Variants in CYP2J2 observed in about 807,000 individuals in gnomAD.
CYP2J2 encodes the protein cytochrome P450 2J2.
CYP2J2 carries 41 observed loss-of-function variants against 48.8 expected under a neutral mutation model. The observed-to-expected ratio is 0.84, with a 90% CI of 0.66 to 1.09. The LOEUF is 1.09. Ranked by LOEUF, CYP2J2 falls within the 50% of genes least tolerant of loss-of-function variation. CYP2J2 has a pLI of 0.00. For synonymous variants in CYP2J2, 221 were observed against 227.1 expected (o/e 0.97, Z 0.24); for missense variants, 644 against 617.3 (o/e 1.04, Z -0.46).
chr1:59,965,950 C>A, the CYP2J2 span, among the ~76,000 whole-genome samples: 1 of 152,292 alleles, frequency 6.6e-6, no homozygotes, highest in East Asian at 1.9e-4. Flanking sequence ...CCATGCCCAG[C>A]CTGGGTGTAC....
chr1:59,941,223 G>A, the CYP2J2 span, among the ~76,000 whole-genome samples: 1 of 152,144 alleles, frequency 6.6e-6, no homozygotes, highest in Non-Finnish European at 1.5e-5. Flanking sequence ...GTCACACACT[G>A]CAAAATGATG....
At chr1:59,894,102 C>T (rs1292291900) in intron 8 of CYP2J2, among the ~76,000 whole-genome samples, 1 of 152,002 alleles carries the variant, frequency 6.6e-6, no homozygotes, top group Non-Finnish European at 1.5e-5. Flanking sequence ...ACCATAGAAG[C>T]GGAAGGCGTG....
chr1:59,942,401 A>T, the CYP2J2 span, among the ~76,000 whole-genome samples: 2 of 152,086 alleles, frequency 1.3e-5, no homozygotes, highest in Non-Finnish European at 2.9e-5. Flanking sequence ...CTTCTCCTAA[A>T]ATGGGAAGAA....
the CYP2J2 span, among the ~76,000 whole-genome samples, chr1:59,942,787 G>A: frequency 6.6e-6 from 1 of 152,088 alleles, no homozygotes; most frequent in Admixed American, 6.5e-5. Context: ...GAGTTAAAAC[G>A]AGCTTGTTGA....
chr1:59,899,887 T>C (rs977355647), intron 8 of CYP2J2, among the ~76,000 whole-genome samples: 3 of 152,194 alleles, frequency 2.0e-5, no homozygotes, highest in African/African-American at 7.2e-5. Context: ...GCTCAATAAA[T>C]ATTGATGGAA....
At chr1:59,959,046 C>A in the CYP2J2 span, among the ~76,000 whole-genome samples, 1 of 152,232 alleles carries the variant, frequency 6.6e-6, no homozygotes, top group East Asian at 1.9e-4. Flanking sequence ...GGCCCTGCTC[C>A]TAAAGCCATT....
At chr1:59,897,097 T>C (rs2102102635) in intron 8 of CYP2J2, among the ~76,000 whole-genome samples, 1 of 152,376 alleles carries the variant, frequency 6.6e-6, no homozygotes, top group South Asian at 2.1e-4. Context: ...TATGTCGTTA[T>C]ATTATTTGTG....
the CYP2J2 span, among the ~76,000 whole-genome samples, chr1:59,959,845 A>C: frequency 2.0e-5 from 3 of 152,152 alleles, no homozygotes; most frequent in Non-Finnish European, 4.4e-5. Flanking sequence ...GAGCTAAGCT[A>C]TGAGGACACA....
intron 4 of CYP2J2, among the ~76,000 whole-genome samples, chr1:59,910,408 G>T (rs2102122636): frequency 6.6e-6 from 1 of 152,094 alleles, no homozygotes; most frequent in East Asian, 1.9e-4. Flanking sequence ...GTGGTAGTAG[G>T]GCATAGATGC....
chr1:59,928,423 A>T (rs1438230076), upstream of CYP2J2, among the ~76,000 whole-genome samples: 1 of 152,204 alleles, frequency 6.6e-6, no homozygotes, highest in Non-Finnish European at 1.5e-5. Flanking sequence ...GTGGCATTTG[A>T]GCCATAACTC....
chr1:59,968,758 G>A, the CYP2J2 span, among the ~76,000 whole-genome samples: 1 of 152,364 alleles, frequency 6.6e-6, no homozygotes, highest in East Asian at 1.9e-4. Context: ...CCAGCTTTGT[G>A]ATGAGCATGT....
the CYP2J2 span, among the ~76,000 whole-genome samples, chr1:59,938,964 G>C: frequency 0.011 from 1,700 of 152,320 alleles, 25 homozygotes; most frequent in African/African-American, 0.039. Flanking sequence ...CTGCATAGCC[G>C]TAGATCCCTT....
At chr1:59,929,531 A>G (rs556792813), upstream of CYP2J2, among the ~76,000 whole-genome samples, 415 of 152,322 alleles carry the variant, frequency 2.7e-3, no homozygotes, top group Non-Finnish European at 4.5e-3. Context: ...AAAGTAAGGT[A>G]TGAGACAATG....
chr1:59,898,224 G>A (rs1644286385), intron 8 of CYP2J2, among the ~76,000 whole-genome samples: 1 of 152,210 alleles, frequency 6.6e-6, no homozygotes, highest in Admixed American at 6.5e-5. Context: ...CCTTATGATT[G>A]GTGTTGGAAA....
At chr1:59,946,199 G>T in the CYP2J2 span, among the ~76,000 whole-genome samples, 1 of 152,102 alleles carries the variant, frequency 6.6e-6, no homozygotes, top group Non-Finnish European at 1.5e-5. Flanking sequence ...CTTGATCTAG[G>T]ATTCTCACCT....
At chr1:59,958,138 C>T in the CYP2J2 span, among the ~76,000 whole-genome samples, 8 of 152,148 alleles carry the variant, frequency 5.3e-5, no homozygotes, top group African/African-American at 1.9e-4. Context: ...TTTCTCCTAA[C>T]AGACCACATC....
At chr1:59,968,927 G>A in the CYP2J2 span, among the ~76,000 whole-genome samples, 1 of 152,180 alleles carries the variant, frequency 6.6e-6, no homozygotes, top group South Asian at 2.1e-4. Flanking sequence ...GTTCGGATAT[G>A]TTCGGGGTTT....
chr1:59,957,668 TCACA>T, the CYP2J2 span, among the ~76,000 whole-genome samples: 1 of 150,424 alleles, frequency 6.6e-6, no homozygotes, highest in Non-Finnish European at 1.5e-5. Flanking sequence ...TGAGAAATAT[TCACA>T]GACACACAGA....
Position 59,897,962 on chromosome 1 carries a change from C to G in CYP2J2, c.1330+3003G>C, listed in dbSNP as rs906454390. ...CAGTTGTGTTGATGTTTTGTCAACC[C>G]TTTGGATTCTTCAGATTTCTATCTC... On this transcript the variant is annotated intron_variant, in intron 8 of 8. Coordinates refer to ENST00000371204, the MANE Select transcript of CYP2J2 (RefSeq NM_000775.4). Among the ~76,000 whole-genome samples the G allele has an allele frequency of 2.0e-5, 3 of 152,164 alleles. No individual in the cohort carries two copies. In the South Asian group the frequency reaches 6.2e-4, roughly 32 times the overall value.
Sources: gnomAD v4.1 joint callset for allele counts (sites outside exome capture counted in the v4.1 genomes callset) on GRCh38, gnomAD v4.1.1 for gene constraint, MANE v1.5 for transcripts, NCBI Gene and HGNC (gene_info 2026-07-23, HGNC 2026-07-21) for gene names.